The following TACR3 variants were observed in gnomAD, a reference collection of about 807,000 sequenced individuals.
The protein encoded by TACR3 is neuromedin-K receptor.
A neutral mutation model predicts 35.0 loss-of-function variants in TACR3; 34 were observed. The ratio of observed to expected loss-of-function variants is 0.97; its 90% confidence interval spans 0.74 to 1.30. The LOEUF is 1.30. TACR3 is among the 50% of genes most tolerant of loss of function. The probability of loss-of-function intolerance (pLI) is 0.00; values close to 1 mark genes in which losing one functional copy is unlikely to be tolerated. For synonymous variants in TACR3, 233 were observed against 221.1 expected (o/e 1.05, Z -0.48); for missense variants, 558 against 591.7 (o/e 0.94, Z 0.59).
At chr4:103,704,233 C>G (rs971815272) in intron 1 of TACR3, among the ~76,000 whole-genome samples, 4 of 150,724 alleles carry the variant, frequency 2.7e-5, no homozygotes, top group Admixed American at 2.6e-4. Flanking sequence ...ACAAAAATGT[C>G]ATGCTGAGGG....
chr4:103,625,701 G>A (rs1724872769), intron 3 of TACR3, among the ~76,000 whole-genome samples: 2 of 152,076 alleles, frequency 1.3e-5, no homozygotes, highest in African/African-American at 4.8e-5. Context: ...TCTATGAGGT[G>A]ACTTGGATCA....
At chr4:103,682,316 A>G (rs1000728705) in intron 1 of TACR3, among the ~76,000 whole-genome samples, 1 of 152,102 alleles carries the variant, frequency 6.6e-6, no homozygotes, top group Non-Finnish European at 1.5e-5. Flanking sequence ...CCAAGAGTGG[A>G]TAATTTAAAA....
rs1723775876 is a variant in TACR3 at position 103,586,609 on chromosome 4, G to C, written c.*3073C>G. On this transcript the variant is annotated 3_prime_UTR_variant, in exon 5 of 5. Transcript: ENST00000304883. ...TGGTATTCTTTATGTGCTTTGTAAG[G>C]GCGGGGTTCACTCTGAAATTGCTCA... The C allele has an allele frequency of 1.3e-5, 2 of 151,962 alleles. No individual in the cohort carries two copies. The allele number at this position is 151,962 out of a possible 1,614,324, so 9.4% of individuals were successfully genotyped here. A position where few individuals can be genotyped will look rare whatever the true frequency, so the allele number is the denominator to read the frequency against.
intron 3 of TACR3, among the ~76,000 whole-genome samples, chr4:103,599,313 AG>A (rs1440773058): frequency 2.0e-5 from 3 of 152,162 alleles, no homozygotes; most frequent in Non-Finnish European, 2.9e-5. Flanking sequence ...TTGTATCCTG[AG>A]ACTTTGCTGA....
At chr4:103,648,417 T>A (rs1276949547) in intron 3 of TACR3, among the ~76,000 whole-genome samples, 1 of 149,542 alleles carries the variant, frequency 6.7e-6, no homozygotes, top group Non-Finnish European at 1.5e-5. Context: ...CAATAACACT[T>A]CCCACTTCAC....
chr4:103,689,144 G>T (rs370268419), intron 1 of TACR3, among the ~76,000 whole-genome samples: 1 of 149,196 alleles, frequency 6.7e-6, no homozygotes, highest in Non-Finnish European at 1.5e-5. Context: ...GTAAACTATC[G>T]CAAGAACAAA....
intron 3 of TACR3, among the ~76,000 whole-genome samples, chr4:103,653,992 A>G (rs1427206316): frequency 6.7e-5 from 10 of 148,884 alleles, no homozygotes; most frequent in Non-Finnish European, 1.3e-4. Flanking sequence ...CAAAACCACA[A>G]TGAGATACCA....
intron 3 of TACR3, chr4:103,624,369 C>G (rs1043885155): frequency 2.6e-5 from 4 of 151,936 alleles, no homozygotes; most frequent in African/African-American, 9.7e-5. Context: ...AATAATGAAG[C>G]AGAAATAATC....
At chr4:103,640,259 A>G (rs1361120806) in intron 3 of TACR3, among the ~76,000 whole-genome samples, 2 of 152,082 alleles carry the variant, frequency 1.3e-5, no homozygotes, top group Non-Finnish European at 2.9e-5. Context: ...ATATGTATGT[A>G]TATGTGCTGT....
intron 1 of TACR3, among the ~76,000 whole-genome samples, chr4:103,691,941 C>T (rs997181909): frequency 3.3e-5 from 5 of 152,078 alleles, no homozygotes; most frequent in African/African-American, 7.2e-5. Context: ...TAAATATGTG[C>T]GTAAATCTCT....
Position 103,719,516 on chromosome 4 carries a change from A to G in TACR3, c.160T>C (p.Ser54Pro), listed in dbSNP as rs1411017277. The change falls in exon 1 of 5, where the codon TCC becomes CCC. Residue 54 changes from serine (S) to proline (P), a missense_variant. Coordinates refer to ENST00000304883, the MANE Select transcript of TACR3 (RefSeq NM_001059.3). ...ACAGGCAGTCCCAGCGCGGAAGGGG[A>G]GGAGGAGAGGTTGCCAGCTTGGTCC... ...LLDQAGNLSS[S>P]PSALGLPVAS... 6.2e-7 allele frequency: 1 copy of G among 1,609,656 alleles called. No individual in the cohort carries two copies.
chr4:103,714,655 C>G (rs1344015039), intron 1 of TACR3, among the ~76,000 whole-genome samples: 1 of 152,072 alleles, frequency 6.6e-6, no homozygotes, highest in African/African-American at 2.4e-5. Context: ...AACTATAACA[C>G]TAATAAAGAG....
At chr4:103,668,870 T>A (rs1329871329) in intron 1 of TACR3, among the ~76,000 whole-genome samples, 7 of 150,778 alleles carry the variant, frequency 4.6e-5, no homozygotes, top group African/African-American at 1.7e-4. Flanking sequence ...AAAAGTCGTA[T>A]GTATTTATGA....
intron 1 of TACR3, among the ~76,000 whole-genome samples, chr4:103,685,191 A>G (rs1722202328): frequency 6.6e-6 from 1 of 152,034 alleles, no homozygotes; most frequent in South Asian, 2.1e-4. Context: ...CAGGATTTGG[A>G]GTCTAGAAAC....
At chr4:103,664,260 C>G (rs181926950) in intron 1 of TACR3, among the ~76,000 whole-genome samples, 6 of 152,208 alleles carry the variant, frequency 3.9e-5, no homozygotes, top group Admixed American at 2.6e-4. Flanking sequence ...TTGAGGTGGT[C>G]TTTTATGTTT....
intron 1 of TACR3, among the ~76,000 whole-genome samples, chr4:103,695,934 A>G (rs1722511679): frequency 6.6e-6 from 1 of 152,126 alleles, no homozygotes; most frequent in Non-Finnish European, 1.5e-5. Context: ...AATAGTTTTC[A>G]GTATTTAGCC....
At chr4:103,702,888 C>T (rs1049824810) in intron 1 of TACR3, among the ~76,000 whole-genome samples, 1 of 116,544 alleles carries the variant, frequency 8.6e-6, no homozygotes, top group Non-Finnish European at 1.6e-5. Flanking sequence ...ACATCACACA[C>T]TGGGACCTGT....
At chr4:103,665,560 C>CT (rs903432228) in intron 1 of TACR3, among the ~76,000 whole-genome samples, 15 of 152,070 alleles carry the variant, frequency 9.9e-5, no homozygotes, top group Admixed American at 2.0e-4. Context: ...ATTTTGTTAT[C>CT]TTTTTTGGCA....
At chr4:103,684,969 C>T (rs1722193846) in intron 1 of TACR3, among the ~76,000 whole-genome samples, 1 of 150,170 alleles carries the variant, frequency 6.7e-6, no homozygotes, top group African/African-American at 2.5e-5. Context: ...GGTGACAGAG[C>T]AAGGCTCCAT....
Sources: gnomAD v4.1 joint callset for allele counts (sites outside exome capture counted in the v4.1 genomes callset) on GRCh38, gnomAD v4.1.1 for gene constraint, MANE v1.5 for transcripts, NCBI Gene and HGNC (gene_info 2026-07-23, HGNC 2026-07-21) for gene names.